The following CCDC187 variants were observed in gnomAD, a reference collection of about 807,000 sequenced individuals.
CCDC187 encodes the protein coiled-coil domain containing 187.
A neutral mutation model predicts 38.0 loss-of-function variants in CCDC187; 32 were observed. The observed-to-expected ratio is 0.84, with a 90% CI of 0.64 to 1.13. CCDC187 has a LOEUF of 1.13. Among genes scored for constraint, CCDC187 ranks in the 50% most tolerant of loss-of-function variants. The pLI, the probability that CCDC187 is intolerant of heterozygous loss-of-function variation, is 0.00. For missense variants in CCDC187, 707 were observed against 786.8 expected, an observed-to-expected ratio of 0.90 and a Z score of 1.21; for synonymous variants, 333 against 347.9, an observed-to-expected ratio of 0.96 and a Z score of 0.48.
intron 24 of CCDC187, 128 bp from the exon 25 acceptor site, chr9:136,255,861 C>A: frequency 2.9e-6 from 1 of 339,138 alleles, no homozygotes; most frequent in Non-Finnish European, 4.2e-6. Context: ...CCAGCCAGTC[C>A]TCTGCCACCA....
chr9:136,275,360 G>A lies in CCDC187; in HGVS notation c.3226-353C>T, dbSNP rs903033970. On this transcript the variant is annotated intron_variant, in intron 12 of 25. Transcript: ENST00000638797. ...AGGAGGGGAGCAAATCCTGTGATGC[G>A]GGGAGCAGGGAGGGAACAGGCAGGG... is the stretch of plus-strand genomic sequence containing the variant. 1.6e-3 allele frequency among the ~76,000 whole-genome samples: 236 copies of A among 152,200 alleles called. 1 individual carries two copies. Among genetic ancestry groups the A allele is most frequent in the Non-Finnish European group, 2.9e-3 (199 of 67,972 alleles).
Position 136,290,789 on chromosome 9 carries a change from G to A in CCDC187, c.1824C>T (p.Phe608=). The A allele has an allele frequency of 2.5e-6, 1 of 398,608 alleles. No homozygotes were observed. The highest frequency in any genetic ancestry group is 4.4e-6 in the Non-Finnish European group (1 of 226,026). 24.7% of individuals were successfully genotyped at this position (398,608 alleles called of 1,614,324 possible). Residue 608 remains phenylalanine (F), a synonymous_variant, in exon 6 of 26, where the codon TTC becomes TTT. Coordinates refer to ENST00000638797, the MANE Select transcript of CCDC187 (RefSeq NM_001378188.1). ...TCTCCTTCCCAAGTGGGTTCTGAGG[G>A]AAGCTCCCGGTGGGCCTTGGCAGGG... The part of the protein sequence containing the change: ...KHALPRPTGS[F]PQNPLGKEKD...
At chr9:136,279,858 G>A (rs1358247559) in intron 10 of CCDC187, among the ~76,000 whole-genome samples, 2 of 152,254 alleles carry the variant, frequency 1.3e-5, no homozygotes, top group African/African-American at 4.8e-5. Flanking sequence ...GTGAATGGAT[G>A]AGTGCCATCA....
intron 4 of CCDC187, among the ~76,000 whole-genome samples, chr9:136,294,171 C>T (rs907138676): frequency 8.1e-4 from 122 of 150,738 alleles, no homozygotes; most frequent in Non-Finnish European, 1.4e-3. Flanking sequence ...TTCACTCACA[C>T]GCTCATATAC....
intron 4 of CCDC187, among the ~76,000 whole-genome samples, chr9:136,293,453 TCACACTCACACTCACATGCTCA>T (rs1414215783): frequency 9.7e-6 from 1 of 102,944 alleles, no homozygotes; most frequent in African/African-American, 3.9e-5. Context: ...TCACACATGC[TCACACTCACACTCACATGCTCA>T]CACACTCACA....
At chr9:136,285,867 G>C (rs1403888094) in intron 8 of CCDC187, among the ~76,000 whole-genome samples, 2 of 152,200 alleles carry the variant, frequency 1.3e-5, no homozygotes, top group African/African-American at 2.4e-5. Flanking sequence ...CCACACAGGA[G>C]AGCTCACACA....
Position 136,256,202 on chromosome 9 carries a change from G to A in CCDC187, c.4616+9C>T. ...CTCCACCCCTGCTCCAGGGAGCTCAGCCCCACACCTCTGCTCCCCCGATCG... is the reference window on the plus strand; with the variant it reads ...CTCCACCCCTGCTCCAGGGAGCTCAACCCCACACCTCTGCTCCCCCGATCG... On this transcript the variant is annotated intron_variant, in intron 24 of 25. Transcript: ENST00000638797. 1.0e-6 allele frequency: 1 copy of A among 985,186 alleles called. No homozygotes were observed. The highest frequency in any genetic ancestry group is 1.2e-6 in the Non-Finnish European group (1 of 829,708). The allele number at this position is 985,186 out of a possible 1,614,324, so 61.0% of individuals were successfully genotyped here. A position where few individuals can be genotyped will look rare whatever the true frequency, so the allele number is the denominator to read the frequency against.
chr9:136,267,600 C>G (rs965427765), intron 15 of CCDC187, 89 bp from the exon 16 acceptor site: 1 of 985,630 alleles, frequency 1.0e-6, no homozygotes, highest in African/African-American at 1.7e-5. Flanking sequence ...GCCGCGTCAC[C>G]GCCTAGCTTC....
chr9:136,297,911 T>G (rs1344911993), intron 3 of CCDC187, 90 bp from the exon 4 acceptor site: 2 of 394,576 alleles, frequency 5.1e-6, no homozygotes, highest in East Asian at 7.2e-5. Context: ...CGGGGTCCTG[T>G]GCAAACACAG....
rs782461951 is a variant in CCDC187 at position 136,258,454 on chromosome 9, G to A, written c.4366+478C>T. Among the ~76,000 whole-genome samples the A allele has an allele frequency of 4.6e-5, 7 of 152,076 alleles. No individual in the cohort carries two copies. The highest frequency in any genetic ancestry group is 3.9e-4 in the East Asian group (2 of 5,178). On this transcript the variant is annotated intron_variant, in intron 22 of 25. Coordinates refer to ENST00000638797, the MANE Select transcript of CCDC187 (RefSeq NM_001378188.1). The surrounding 1 kb of genome is among the most constrained non-coding windows in gnomAD (Gnocchi z 4.3). ...GCACACAACCCCCCACTCTTCAGCC[G>A]GCGGCTACCAGACGCACCACCAGGG...
At chr9:136,292,023 G>A (rs1831343933) in intron 5 of CCDC187, 138 bp downstream of exon 5, 2 of 397,478 alleles carry the variant, frequency 5.0e-6, no homozygotes, top group African/African-American at 4.1e-5. Context: ...CAGGTTTGGA[G>A]GGTGTTTGCA....
chr9:136,289,598 C>T (rs1435198658), intron 7 of CCDC187, among the ~76,000 whole-genome samples: 1 of 151,316 alleles, frequency 6.6e-6, no homozygotes, highest in African/African-American at 2.4e-5. Context: ...CCCACAAGGG[C>T]TGCAGGAGGG....
chr9:136,274,416 C>A (rs62579951), intron 14 of CCDC187, among the ~76,000 whole-genome samples: 16,070 of 152,332 alleles, frequency 0.11, 1,195 homozygotes, highest in Admixed American at 0.19. Flanking sequence ...GCTGTCTAAC[C>A]CAGTTCCCCG....
Position 136,251,499 on chromosome 9 carries a change from A to G in CCDC187, c.*2095T>C, listed in dbSNP as rs62579872. ...CATGTGCCGGCAGTTTGGGTGTGGG[A>G]GGAGCCTCCAAAGTCAAAGCAGGCA... is the stretch of plus-strand genomic sequence containing the variant. On this transcript the variant is annotated 3_prime_UTR_variant, in exon 26 of 26. Transcript: ENST00000638797. The G allele has an allele frequency of 0.2, 32,630 of 166,626 alleles. 3,401 individuals carry two copies. The highest frequency in any genetic ancestry group is 0.28 in the Admixed American group (5,227 of 18,354). 10.3% of individuals were successfully genotyped at this position (166,626 alleles called of 1,614,324 possible).
intron 9 of CCDC187, among the ~76,000 whole-genome samples, chr9:136,284,943 G>A (rs1410201551): frequency 6.6e-6 from 1 of 152,158 alleles, no homozygotes; most frequent in East Asian, 1.9e-4. Flanking sequence ...GCTCACTGGG[G>A]CTGCAGGCGC....
rs1830528630 is a variant in CCDC187 at position 136,250,964 on chromosome 9, G to A, written c.*2630C>T. ...CCAGAGCTATGGGGTAGAGGGCCTT[G>A]GCAGCTCCGTGTGTCCTGTGACCTG... On this transcript the variant is annotated 3_prime_UTR_variant, in exon 26 of 26. Transcript: ENST00000638797. 1 of 455,602 alleles carries A rather than the reference G, an allele frequency of 2.2e-6. No individual in the cohort carries two copies. Among genetic ancestry groups the A allele is most frequent in the African/African-American group, 2.0e-5 (1 of 50,094 alleles). 28.2% of individuals were successfully genotyped at this position (455,602 alleles called of 1,614,324 possible).
chr9:136,272,705 G>GAA (rs77179967), intron 14 of CCDC187, among the ~76,000 whole-genome samples: 6 of 132,450 alleles, frequency 4.5e-5, no homozygotes, highest in Non-Finnish European at 8.3e-5. Context: ...TCTGTCTCAA[G>GAA]AAAAAAAAAA....
chr9:136,306,894 G>T (rs1831810927), upstream of CCDC187: 1 of 152,180 alleles, frequency 6.6e-6, no homozygotes, highest in Admixed American at 6.5e-5. Context: ...GGCCGGTGAT[G>T]GCGGGCCAGT....
chr9:136,259,261 G>A (rs951678240), intron 21 of CCDC187, 102 bp downstream of exon 21: 9 of 311,132 alleles, frequency 2.9e-5, no homozygotes, highest in African/African-American at 2.1e-4. Flanking sequence ...GGGGGGGAGG[G>A]TACCAAGATG....
Sources: allele counts gnomAD v4.1 joint callset (sites outside exome capture counted in the v4.1 genomes callset), GRCh38; gene constraint gnomAD v4.1.1; non-coding constraint Gnocchi (gnomAD v3.1); transcripts MANE v1.5; gene names NCBI Gene and HGNC (gene_info 2026-07-23, HGNC 2026-07-21).